GATAD2A: variants seen among roughly 807,000 people sequenced by gnomAD.
The protein encoded by GATAD2A is transcriptional repressor p66-alpha.
GATAD2A carries 12 observed loss-of-function variants against 68.5 expected under a neutral mutation model. That is an observed-to-expected ratio of 0.18 (90% confidence interval 0.11 to 0.28). The LOEUF (loss-of-function observed/expected upper bound fraction) is 0.28. GATAD2A is among the 10% of genes least tolerant of loss of function. The probability of loss-of-function intolerance (pLI) is 1.00; values close to 1 mark genes in which losing one functional copy is unlikely to be tolerated. For missense variants in GATAD2A, 755 were observed against 868.5 expected (o/e 0.87, Z 1.64); for synonymous variants, 410 against 375.3 (o/e 1.09, Z -1.07).
At chr19:19,463,949 A>G (rs1054842305) in intron 1 of GATAD2A, among the ~76,000 whole-genome samples, 6 of 152,156 alleles carry the variant, frequency 3.9e-5, no homozygotes, top group Non-Finnish European at 7.4e-5. Context: ...GCCTTGCGCT[A>G]TTGCTCATTT....
At chr19:19,490,759 G>C (rs535793479) in intron 2 of GATAD2A, among the ~76,000 whole-genome samples, 1 of 152,296 alleles carries the variant, frequency 6.6e-6, no homozygotes, top group South Asian at 2.1e-4. Context: ...GATGGTGCAT[G>C]CCTGTAATCC....
intron 1 of GATAD2A, among the ~76,000 whole-genome samples, chr19:19,453,223 C>T (rs2056571551): frequency 6.6e-6 from 1 of 152,162 alleles, no homozygotes; most frequent in Admixed American, 6.5e-5. Flanking sequence ...TGGTGTGATT[C>T]TCGGGCACCT....
intron 1 of GATAD2A, among the ~76,000 whole-genome samples, chr19:19,462,997 A>G (rs557780863): frequency 2.0e-4 from 30 of 152,176 alleles, no homozygotes; most frequent in African/African-American, 6.7e-4. Flanking sequence ...GAAGGGTGCT[A>G]TGTCCTGGAG....
At chr19:19,464,272 G>A (rs1459264720) in intron 1 of GATAD2A, among the ~76,000 whole-genome samples, 1 of 152,234 alleles carries the variant, frequency 6.6e-6, no homozygotes, top group Non-Finnish European at 1.5e-5. Flanking sequence ...GTGACACTTC[G>A]GGAATTCCAC....
intron 1 of GATAD2A, among the ~76,000 whole-genome samples, chr19:19,421,582 C>G (rs1050939322): frequency 3.9e-5 from 6 of 152,110 alleles, no homozygotes; most frequent in African/African-American, 1.4e-4. Context: ...TGGAGTGTGT[C>G]CCGGCCCTGT....
chr19:19,495,305 CTTTT>C (rs558067672), intron 5 of GATAD2A, among the ~76,000 whole-genome samples: 114 of 149,960 alleles, frequency 7.6e-4, no homozygotes, highest in African/African-American at 2.7e-3. Context: ...GCTTTTTTTT[CTTTT>C]TTTCTTTTTT....
At chr19:19,503,314 G>A (rs190521481) in intron 11 of GATAD2A, among the ~76,000 whole-genome samples, 100 of 152,278 alleles carry the variant, frequency 6.6e-4, no homozygotes, top group Non-Finnish European at 1.2e-3. Context: ...ACAATCATGA[G>A]ACAGGCCCCA....
intron 1 of GATAD2A, among the ~76,000 whole-genome samples, chr19:19,391,813 T>C (rs2048861479): frequency 6.6e-6 from 1 of 152,202 alleles, no homozygotes; most frequent in African/African-American, 2.4e-5. Context: ...TAAAAACTGT[T>C]GATTTATGGA....
At chr19:19,495,005 A>T (rs890389462) in intron 5 of GATAD2A, among the ~76,000 whole-genome samples, 1 of 152,178 alleles carries the variant, frequency 6.6e-6, no homozygotes, top group Non-Finnish European at 1.5e-5. Flanking sequence ...TTGCCTTGTT[A>T]GTTTGTTTGA....
At position 19,507,558 on chromosome 19, in the gene GATAD2A, C is replaced by G. The variant is rs2060917912; in HGVS notation, c.*2084C>G. 6.6e-6 allele frequency: 1 copy of G among 152,574 alleles called. No homozygotes were observed. The highest frequency in any genetic ancestry group is 6.5e-5 in the Admixed American group (1 of 15,280). 9.5% of individuals were successfully genotyped at this position (152,574 alleles called of 1,614,324 possible). ...GTCTGACCAGGGGGCCAGATCCGAG[C>G]CGCACCTGCCGGCCCCCAGCCCCAG... is the stretch of plus-strand genomic sequence containing the variant. On this transcript the variant is annotated 3_prime_UTR_variant, in exon 12 of 12. Coordinates refer to ENST00000683918, the MANE Select transcript of GATAD2A (RefSeq NM_001384528.1).
chr19:19,479,994 G>A (rs750805736), intron 2 of GATAD2A, among the ~76,000 whole-genome samples: 1 of 151,808 alleles, frequency 6.6e-6, no homozygotes, highest in African/African-American at 2.4e-5. Context: ...CTTTAGAGAA[G>A]GGGTTGTTCA....
At chr19:19,494,205 C>G in intron 4 of GATAD2A, 89 bp from the exon 5 acceptor site, 1 of 685,776 alleles carries the variant, frequency 1.5e-6, no homozygotes, top group Non-Finnish European at 2.6e-6. Flanking sequence ...AGTCAGTCCT[C>G]TTCGGCAGCA....
intron 1 of GATAD2A, chr19:19,440,103 GGAGT>G (rs1279933759): frequency 4.8e-5 from 19 of 396,904 alleles, no homozygotes; most frequent in Non-Finnish European, 9.4e-5. Context: ...AAGGGAGGAA[GGAGT>G]AGGTGATGTC....
intron 2 of GATAD2A, among the ~76,000 whole-genome samples, chr19:19,467,499 T>TA (rs1239085641): frequency 6.6e-6 from 1 of 152,216 alleles, no homozygotes; most frequent in Admixed American, 6.5e-5. Context: ...GTACTTTAAA[T>TA]AAGTGGGATT....
intron 2 of GATAD2A, among the ~76,000 whole-genome samples, chr19:19,470,943 A>G (rs867549745): frequency 6.6e-6 from 1 of 152,192 alleles, no homozygotes. Flanking sequence ...CTGCAGCAGC[A>G]TGATTCATAC....
At chr19:19,481,590 C>T (rs892809559) in intron 2 of GATAD2A, among the ~76,000 whole-genome samples, 10 of 152,192 alleles carry the variant, frequency 6.6e-5, no homozygotes, top group South Asian at 2.1e-4. Flanking sequence ...CCTCCCAAAG[C>T]GCTGGGATTG....
At chr19:19,436,945 G>A (rs763992760) in intron 1 of GATAD2A, among the ~76,000 whole-genome samples, 8 of 152,188 alleles carry the variant, frequency 5.3e-5, no homozygotes, top group East Asian at 1.9e-4. Context: ...GGATCTTGCC[G>A]GTCACGCAGT....
chr19:19,484,022 A>G (rs1163503799), intron 2 of GATAD2A, among the ~76,000 whole-genome samples: 1 of 151,946 alleles, frequency 6.6e-6, no homozygotes, highest in Non-Finnish European at 1.5e-5. Flanking sequence ...CCCTTGGGAA[A>G]GGAGGGAGGA....
At chr19:19,390,220 A>G (rs2048746199) in intron 1 of GATAD2A, among the ~76,000 whole-genome samples, 1 of 152,068 alleles carries the variant, frequency 6.6e-6, no homozygotes, top group Non-Finnish European at 1.5e-5. Context: ...ATGTTATTAA[A>G]TATTCGAGGG....
Sources: gnomAD v4.1 joint callset for allele counts (sites outside exome capture counted in the v4.1 genomes callset) on GRCh38, gnomAD v4.1.1 for gene constraint, MANE v1.5 for transcripts, NCBI Gene and HGNC (gene_info 2026-07-23, HGNC 2026-07-21) for gene names.